Variants in KAZN observed in about 807,000 individuals in gnomAD.
KAZN encodes the protein kazrin.
In KAZN, 40 loss-of-function variants were observed where a neutral mutation model predicts 87.4. That is an observed-to-expected ratio of 0.46 (90% CI 0.36 to 0.60). The LOEUF is 0.60. Among genes scored for constraint, KAZN ranks in the 20% least tolerant of loss-of-function variants. The pLI, the probability that KAZN is intolerant of heterozygous loss-of-function variation, is 0.00. For synonymous variants in KAZN, 466 were observed against 458.3 expected (o/e 1.02, Z -0.22); for missense variants, 898 against 1,073.9 (o/e 0.84, Z 2.29).
chr1:14,982,677 G>A (rs928035434), intron 2 of KAZN, among the ~76,000 whole-genome samples: 5 of 152,044 alleles, frequency 3.3e-5, no homozygotes, highest in Non-Finnish European at 7.4e-5. Context: ...CACTCACCTT[G>A]GCCTCCCAAA....
At chr1:13,994,326 G>A (rs1031989914) in intron 1 of KAZN, among the ~76,000 whole-genome samples, 3 of 152,178 alleles carry the variant, frequency 2.0e-5, no homozygotes, top group African/African-American at 7.2e-5. Flanking sequence ...GAGCCAATGG[G>A]ACCAGAAAAG....
At chr1:13,912,164 G>A (rs1229422530) in intron 1 of KAZN, among the ~76,000 whole-genome samples, 1 of 152,130 alleles carries the variant, frequency 6.6e-6, no homozygotes, top group Non-Finnish European at 1.5e-5. Flanking sequence ...GCCGAGCACT[G>A]GGCTGCCCTG....
At chr1:14,091,109 CAAAAAAAA>C (rs779056126) in intron 1 of KAZN, among the ~76,000 whole-genome samples, 2 of 51,946 alleles carry the variant, frequency 3.9e-5, no homozygotes, top group African/African-American at 6.7e-5. Flanking sequence ...GAGACTCTGT[CAAAAAAAA>C]AAAAAAAAAA....
At chr1:14,948,981 A>C (rs1662149652) in intron 1 of KAZN, among the ~76,000 whole-genome samples, 1 of 152,006 alleles carries the variant, frequency 6.6e-6, no homozygotes, top group Non-Finnish European at 1.5e-5. Context: ...ACATGGCAAA[A>C]TGCTGTCTCT....
At chr1:14,450,431 A>C (rs1031774295) in intron 2 of KAZN, among the ~76,000 whole-genome samples, 1 of 152,198 alleles carries the variant, frequency 6.6e-6, no homozygotes, top group Non-Finnish European at 1.5e-5. Flanking sequence ...TCTACTAAAA[A>C]TACAAAAAAT....
intron 1 of KAZN, among the ~76,000 whole-genome samples, chr1:14,154,454 T>A (rs999449376): frequency 2.0e-5 from 3 of 152,218 alleles, no homozygotes; most frequent in African/African-American, 4.8e-5. Flanking sequence ...AAAGATAATT[T>A]GGCTTCTTCC....
In KAZN at chr1:14,252,458, G is replaced by T. The variant is rs75356167; in HGVS notation, c.249+71866G>T. 9.9e-4 allele frequency among the ~76,000 whole-genome samples: 150 copies of T among 152,284 alleles called. 1 individual carries two copies. The highest frequency in any genetic ancestry group is 1.8e-3 in the Non-Finnish European group (122 of 68,026). The stretch of plus-strand genomic sequence containing the variant: ...GCCCCATGAATTGCACTGGCTTCCT[G>T]TCTGTTTCTCAATCTTGCCAGGGCC... On this transcript the variant is annotated intron_variant, in intron 2 of 16. Coordinates refer to the KAZN transcript ENST00000636203.
intron 2 of KAZN, among the ~76,000 whole-genome samples, chr1:14,411,118 CAGA>C (rs1485193612): frequency 2.6e-5 from 4 of 152,156 alleles, no homozygotes; most frequent in Admixed American, 2.6e-4. Context: ...ATGCCAAATA[CAGA>C]AGAATGACCT....
chr1:14,580,597 G>A (rs935832419), intron 2 of KAZN, among the ~76,000 whole-genome samples: 4 of 152,172 alleles, frequency 2.6e-5, no homozygotes, highest in African/African-American at 7.2e-5. Context: ...AGGATAAGAG[G>A]CCTATAGCTG....
At chr1:14,565,074 TG>T (rs1162568013) in intron 2 of KAZN, among the ~76,000 whole-genome samples, 1 of 152,182 alleles carries the variant, frequency 6.6e-6, no homozygotes, top group Non-Finnish European at 1.5e-5. Context: ...TAAAGAACAT[TG>T]GCCTACCCAC....
intron 1 of KAZN, among the ~76,000 whole-genome samples, chr1:14,066,865 C>G (rs183356647): frequency 6.6e-6 from 1 of 152,332 alleles, no homozygotes; most frequent in East Asian, 1.9e-4. Flanking sequence ...ATTAGCTCAG[C>G]AAAATCCCTG....
chr1:14,972,895 C>T (rs1665225877), intron 2 of KAZN, among the ~76,000 whole-genome samples: 3 of 152,034 alleles, frequency 2.0e-5, no homozygotes, highest in Admixed American at 6.6e-5. Context: ...TTGAATGCAA[C>T]ACAGGAGAGG....
chr1:14,838,990 GCAGC>G (rs906065528), intron 1 of KAZN, among the ~76,000 whole-genome samples: 2 of 152,178 alleles, frequency 1.3e-5, no homozygotes, highest in African/African-American at 4.8e-5. Flanking sequence ...AGAAGGGCAA[GCAGC>G]CCATGCCCCC....
At chr1:14,817,477 A>G (rs1279327430) in intron 1 of KAZN, among the ~76,000 whole-genome samples, 1 of 152,212 alleles carries the variant, frequency 6.6e-6, no homozygotes, top group African/African-American at 2.4e-5. Flanking sequence ...ACCACAAGAT[A>G]GCGTGATATG....
intron 2 of KAZN, among the ~76,000 whole-genome samples, chr1:14,970,344 C>T (rs1441318666): frequency 6.6e-6 from 1 of 152,108 alleles, no homozygotes; most frequent in Non-Finnish European, 1.5e-5. Flanking sequence ...ATCACGTGGG[C>T]GGGGCTCTGC....
intron 2 of KAZN, among the ~76,000 whole-genome samples, chr1:14,427,383 A>G (rs1382557400): frequency 6.6e-6 from 1 of 152,248 alleles, no homozygotes; most frequent in Admixed American, 6.5e-5. Flanking sequence ...GATAATGTAC[A>G]TGAAACTTTC....
intron 2 of KAZN, among the ~76,000 whole-genome samples, chr1:15,004,534 G>C (rs931403732): frequency 5.9e-5 from 9 of 152,206 alleles, no homozygotes; most frequent in African/African-American, 2.2e-4. Context: ...GACTTCTTCA[G>C]GGTGTTTTGA....
At chr1:14,639,480 C>T (rs1172093502) in intron 1 of KAZN, among the ~76,000 whole-genome samples, 1 of 152,180 alleles carries the variant, frequency 6.6e-6, no homozygotes, top group African/African-American at 2.4e-5. Context: ...CCCCATAGGG[C>T]ACAGTGGGGA....
chr1:14,109,581 G>T (rs1343464091), intron 1 of KAZN, among the ~76,000 whole-genome samples: 1 of 152,160 alleles, frequency 6.6e-6, no homozygotes, highest in Non-Finnish European at 1.5e-5. Context: ...TTTCTGCTAT[G>T]TCAAGAGTGA....
Sources: gnomAD v4.1 joint callset for allele counts (sites outside exome capture counted in the v4.1 genomes callset) on GRCh38, gnomAD v4.1.1 for gene constraint, MANE v1.5 for transcripts, NCBI Gene and HGNC (gene_info 2026-07-23, HGNC 2026-07-21) for gene names.